The following MROH1 variants were observed in gnomAD, a reference collection of about 807,000 sequenced individuals.
The protein encoded by MROH1 is maestro heat like repeat family member 1.
In MROH1, 117 loss-of-function variants were observed where a neutral mutation model predicts 116.5. The ratio of observed to expected loss-of-function variants is 1.00; its 90% CI spans 0.86 to 1.17. The LOEUF is 1.17. MROH1 is among the 50% of genes most tolerant of loss of function. The pLI is 0.00. For missense variants in MROH1, 1,873 were observed against 1,338.5 expected (o/e 1.40, Z -6.23); for synonymous variants, 921 against 583.9 (o/e 1.58, Z -8.32).
chr8:144,190,650 G>A (rs764618131), intron 7 of MROH1, 134 bp from the exon 8 acceptor site: 24 of 1,017,266 alleles, frequency 2.4e-5, no homozygotes, highest in African/African-American at 3.2e-5. Flanking sequence ...CTGGAGTTGT[G>A]TGCTTGGCTG....
intron 29 of MROH1, among the ~76,000 whole-genome samples, chr8:144,245,894 C>T (rs1841799809): frequency 6.6e-6 from 1 of 152,062 alleles, no homozygotes; most frequent in South Asian, 2.1e-4. Flanking sequence ...CTCTTGGGCT[C>T]AAGTGATCCT....
chr8:144,255,676 C>G lies in MROH1; in HGVS notation c.3762C>G (p.Ala1254=). Residue 1254 remains alanine, a synonymous_variant, in exon 35 of 44, where the codon GCC becomes GCG. Transcript: ENST00000326134. ...QAQERRGASP[A]LATRNLEPCS... ...AGGAAAGGAGGGGTGCCAGTCCAGC[C>G]CTAGCCACCAGGAACCTGGAACCCT... 1.3e-6 allele frequency: 1 copy of G among 765,050 alleles called. No homozygotes were observed. The highest frequency in any genetic ancestry group is 2.4e-6 in the Non-Finnish European group (1 of 411,344). 47.4% of individuals were successfully genotyped at this position (765,050 alleles called of 1,614,324 possible). A position where few individuals can be genotyped will look rare whatever the true frequency, so the allele number is the denominator to read the frequency against.
chr8:144,199,502 C>T (rs1830640044), intron 11 of MROH1, among the ~76,000 whole-genome samples: 1 of 152,184 alleles, frequency 6.6e-6, no homozygotes, highest in South Asian at 2.1e-4. Flanking sequence ...ACCTGTTTCT[C>T]CACACCCAAT....
intron 17 of MROH1, 51 bp downstream of exon 17, chr8:144,239,414 T>A (rs1840602140): frequency 3.8e-6 from 3 of 780,210 alleles, no homozygotes; most frequent in Non-Finnish European, 7.2e-6. Flanking sequence ...TGTGTCCCTG[T>A]GCTCCACCCA....
chr8:144,191,565 C>T (rs1015185642), intron 8 of MROH1, 150 bp from the exon 9 acceptor site: 8 of 1,070,992 alleles, frequency 7.5e-6, no homozygotes, highest in South Asian at 1.6e-5. Flanking sequence ...CACAGCTGAC[C>T]TCTGGGTGCT....
At chr8:144,211,601 C>T (rs1834106053) in intron 12 of MROH1, among the ~76,000 whole-genome samples, 1 of 151,952 alleles carries the variant, frequency 6.6e-6, no homozygotes, top group South Asian at 2.1e-4. Context: ...TGATGCGGGC[C>T]TGTAATCCCA....
intron 14 of MROH1, among the ~76,000 whole-genome samples, chr8:144,225,910 G>GTTTTTTTTTTTT (rs764956904): frequency 2.3e-5 from 2 of 87,552 alleles, no homozygotes; most frequent in Non-Finnish European, 4.2e-5. Context: ...TTCATTTTTA[G>GTTTTTTTTTTTT]TTTTTTTTTT....
chr8:144,209,951 A>G (rs1833730806), intron 12 of MROH1, among the ~76,000 whole-genome samples: 1 of 151,592 alleles, frequency 6.6e-6, no homozygotes, highest in South Asian at 2.1e-4. Flanking sequence ...CACATAAAAC[A>G]AATGTGTGAC....
rs1431489960 is a variant in MROH1 at position 144,180,499 on chromosome 8, A to C, written c.538A>C (p.Thr180Pro). ...LPVLGVAKQD[T>P]VRVAFCSALQ... ...CGTGCTGGGCGTGGCCAAGCAGGACACGGTGCGCGTGGCCTTCTGCTCCGG... is the reference window on the plus strand; with the variant it reads ...CGTGCTGGGCGTGGCCAAGCAGGACCCGGTGCGCGTGGCCTTCTGCTCCGG... The change falls in exon 7 of 44, where the codon ACG becomes CCG. Residue 180 changes from threonine (T) to proline (P), a missense_variant. Physicochemically the swap from Thr to Pro is conservative, Grantham distance 38 (BLOSUM62 -1). Transcript: ENST00000326134. The surrounding 1 kb of genome is among the most constrained non-coding windows in gnomAD (Gnocchi z 7.4). 1.2e-6 allele frequency: 2 copies of C among 1,611,288 alleles called. No individual in the cohort carries two copies. Among genetic ancestry groups the C allele is most frequent in the African/African-American group, 2.7e-5 (2 of 74,906 alleles).
intron 12 of MROH1, among the ~76,000 whole-genome samples, chr8:144,201,610 G>A (rs539027391): frequency 1.2e-3 from 177 of 152,292 alleles, no homozygotes; most frequent in Non-Finnish European, 2.1e-3. Flanking sequence ...TTTCAGAAGC[G>A]GCGCACTGCC....
In MROH1 at chr8:144,254,993, C is replaced by T. The variant is rs925554076; in HGVS notation, c.3594+15C>T. The T allele has an allele frequency of 1.6e-4, 122 of 743,438 alleles. 1 individual carries two copies. Among genetic ancestry groups the T allele is most frequent in the East Asian group, 3.8e-4 (15 of 39,556 alleles). The allele number at this position is 743,438 out of a possible 1,614,324, so 46.1% of individuals were successfully genotyped here. A position where few individuals can be genotyped will look rare whatever the true frequency, so the allele number is the denominator to read the frequency against. The stretch of plus-strand genomic sequence containing the variant: ...TGCCTCTCTCGGTGAGTCGGGCTCT[C>T]GGGGCCACCTTGACACGCTGTCCCT... On this transcript the variant is annotated intron_variant, in intron 34 of 43. Coordinates refer to ENST00000326134, the MANE Select transcript of MROH1 (RefSeq NM_032450.3).
intron 14 of MROH1, among the ~76,000 whole-genome samples, chr8:144,228,233 A>T (rs1195424962): frequency 1.3e-5 from 2 of 152,206 alleles, no homozygotes; most frequent in East Asian, 1.9e-4. Flanking sequence ...AGAACCTCTC[A>T]AAAAGAAGTT....
chr8:144,259,203 C>A, intron 36 of MROH1, 37 bp from the exon 37 acceptor site: 6 of 708,834 alleles, frequency 8.5e-6, no homozygotes, highest in Non-Finnish European at 1.6e-5. Flanking sequence ...TTCAGCACAG[C>A]AACAGCCCCT....
chr8:144,254,261 A>T (rs2133241239), intron 33 of MROH1, among the ~76,000 whole-genome samples: 1 of 152,326 alleles, frequency 6.6e-6, no homozygotes, highest in Admixed American at 6.5e-5. Flanking sequence ...CACTGAGTAC[A>T]TTAGTGTTTC....
intron 33 of MROH1, among the ~76,000 whole-genome samples, chr8:144,253,397 G>A (rs933593261): frequency 6.6e-6 from 1 of 152,358 alleles, no homozygotes; most frequent in South Asian, 2.1e-4. Flanking sequence ...TGAGCTGCCA[G>A]AGGCCACCCG....
chr8:144,231,418 T>C (rs1310029200), intron 14 of MROH1, among the ~76,000 whole-genome samples: 1 of 152,090 alleles, frequency 6.6e-6, no homozygotes, highest in Admixed American at 6.6e-5. Context: ...TGATTTAAAG[T>C]GAGAGGTGTG....
intron 11 of MROH1, among the ~76,000 whole-genome samples, chr8:144,199,907 C>A (rs147646525): frequency 1.6e-4 from 25 of 152,218 alleles, no homozygotes; most frequent in African/African-American, 5.5e-4. Flanking sequence ...AGGTCTGATA[C>A]CCAGGCAGAG....
intron 2 of MROH1, among the ~76,000 whole-genome samples, chr8:144,161,917 C>G (rs1819627927): frequency 6.6e-6 from 1 of 152,172 alleles, no homozygotes; most frequent in Non-Finnish European, 1.5e-5. Flanking sequence ...GGCCTGGGAA[C>G]TCTGGCTTGT....
intron 12 of MROH1, among the ~76,000 whole-genome samples, chr8:144,220,158 A>G (rs1836397482): frequency 6.6e-6 from 1 of 152,236 alleles, no homozygotes. Flanking sequence ...TCCCCAGACC[A>G]GCAGCATTAG....
Sources: allele counts gnomAD v4.1 joint callset (sites outside exome capture counted in the v4.1 genomes callset), GRCh38; gene constraint gnomAD v4.1.1; non-coding constraint Gnocchi (gnomAD v3.1); transcripts MANE v1.5; gene names NCBI Gene and HGNC (gene_info 2026-07-23, HGNC 2026-07-21).